Variants in KCNH7 observed in about 807,000 individuals in gnomAD.
KCNH7 encodes voltage-gated inwardly rectifying potassium channel KCNH7.
KCNH7 carries 49 observed loss-of-function variants against 120.8 expected under a neutral mutation model. The observed-to-expected ratio is 0.41, with a 90% CI of 0.32 to 0.51. The LOEUF (loss-of-function observed/expected upper bound fraction) is 0.51. Among genes scored for constraint, KCNH7 ranks in the 20% least tolerant of loss-of-function variants. The pLI, the probability that KCNH7 is intolerant of heterozygous loss-of-function variation, is 0.38. For missense variants in KCNH7, 1,097 were observed against 1,446.6 expected, an observed-to-expected ratio of 0.76 and a Z score of 3.92; for synonymous variants, 547 against 516.1, an observed-to-expected ratio of 1.06 and a Z score of -0.81.
rs144224871 is a variant in KCNH7, at chr2:162,824,961, A to C, written c.307+11576T>G. Among the ~76,000 whole-genome samples, 907 of 152,158 alleles carry C rather than the reference A, an allele frequency of 6.0e-3. 10 individuals carry two copies. Among genetic ancestry groups the C allele is most frequent in the African/African-American group, 0.021 (865 of 41,540 alleles). On this transcript the variant is annotated intron_variant, in intron 2 of 15. Coordinates refer to ENST00000332142, the MANE Select transcript of KCNH7 (RefSeq NM_033272.4). ...CATTAGTTATAATTTTCATTATGGT[A>C]TATTTAGATAATAAATAAGAAATAT...
chr2:162,681,282 T>C (rs1685701422), intron 2 of KCNH7, among the ~76,000 whole-genome samples: 1 of 151,708 alleles, frequency 6.6e-6, no homozygotes, highest in Admixed American at 6.6e-5. Context: ...TGATGCGGAA[T>C]GCAGTAGTAT....
chr2:162,479,160 G>A (rs1689843352), intron 6 of KCNH7, among the ~76,000 whole-genome samples: 1 of 147,294 alleles, frequency 6.8e-6, no homozygotes, highest in African/African-American at 2.5e-5. Flanking sequence ...AAAAAAAAAA[G>A]AATGTGAAAG....
chr2:162,624,186 C>T (rs1281355355), intron 2 of KCNH7, among the ~76,000 whole-genome samples: 4 of 152,126 alleles, frequency 2.6e-5, no homozygotes, highest in Admixed American at 1.3e-4. Context: ...TGATCATCCT[C>T]CTAACCTATC....
intron 6 of KCNH7, among the ~76,000 whole-genome samples, chr2:162,480,892 T>C: frequency 6.6e-6 from 1 of 152,182 alleles, no homozygotes; most frequent in African/African-American, 2.4e-5. Flanking sequence ...AGCTGTCTCA[T>C]GCTACTCTTC....
At chr2:162,665,512 GA>G (rs1425473693) in intron 2 of KCNH7, among the ~76,000 whole-genome samples, 1 of 151,950 alleles carries the variant, frequency 6.6e-6, no homozygotes, top group East Asian at 1.9e-4. Flanking sequence ...GAAATTACCA[GA>G]AAAAACTAAA....
intron 6 of KCNH7, among the ~76,000 whole-genome samples, chr2:162,481,172 T>A (rs1689918815): frequency 6.6e-6 from 1 of 152,110 alleles, no homozygotes; most frequent in Non-Finnish European, 1.5e-5. Flanking sequence ...CTTTTCCCAC[T>A]CAACTAGATG....
At chr2:162,780,443 T>A (rs570065013) in intron 2 of KCNH7, among the ~76,000 whole-genome samples, 3 of 152,290 alleles carry the variant, frequency 2.0e-5, no homozygotes, top group South Asian at 2.1e-4. Context: ...ATGCACTGAA[T>A]AACAGCGTGC....
Position 162,396,951 on chromosome 2 carries a change from A to C in KCNH7, c.2408-6T>G. Reference sequence around the variant, plus strand: ...TCCAAATATATCATTTTTTCCTAAGAAAATATAAAGAAAAAGAGGCGGGGA... The same window carrying C: ...TCCAAATATATCATTTTTTCCTAAGCAAATATAAAGAAAAAGAGGCGGGGA... On this transcript the variant is annotated splice_polypyrimidine_tract_variant and splice_region_variant and intron_variant, in intron 10 of 15. Transcript: ENST00000332142. 6.3e-7 allele frequency: 1 copy of C among 1,586,406 alleles called. No homozygotes were observed. The highest frequency in any genetic ancestry group is 8.6e-7 in the Non-Finnish European group (1 of 1,158,186).
chr2:162,755,647 G>A (rs1483895956), intron 2 of KCNH7, among the ~76,000 whole-genome samples: 1 of 152,126 alleles, frequency 6.6e-6, no homozygotes, highest in Non-Finnish European at 1.5e-5. Context: ...AGCAAAACAA[G>A]TTGAAGGAAG....
intron 2 of KCNH7, among the ~76,000 whole-genome samples, chr2:162,675,837 T>C (rs1452461289): frequency 1.3e-5 from 2 of 151,564 alleles, no homozygotes; most frequent in Non-Finnish European, 3.0e-5. Flanking sequence ...TTAATTATTT[T>C]ACTGAAATTC....
At position 162,446,009 on chromosome 2, in the gene KCNH7, A is replaced by G. The variant is rs1219199292; in HGVS notation, c.1554+9T>C. On this transcript the variant is annotated intron_variant, in intron 7 of 15. Transcript: ENST00000332142. The stretch of plus-strand genomic sequence containing the variant: ...CTTTCAGAAAATAAGAATCTTAAGC[A>G]GTTCTTACCTCATCAGAACCTGATC... 6.4e-7 allele frequency: 1 copy of G among 1,572,696 alleles called. No individual in the cohort carries two copies. Among genetic ancestry groups the G allele is most frequent in the Non-Finnish European group, 8.6e-7 (1 of 1,158,268 alleles).
chr2:162,403,391 T>C (rs1687118818), intron 9 of KCNH7, among the ~76,000 whole-genome samples: 1 of 151,998 alleles, frequency 6.6e-6, no homozygotes, highest in African/African-American at 2.4e-5. Context: ...TTATATGTCC[T>C]GCAGTATTTG....
At chr2:162,696,075 G>A (rs1686276113) in intron 2 of KCNH7, among the ~76,000 whole-genome samples, 1 of 152,106 alleles carries the variant, frequency 6.6e-6, no homozygotes, top group Admixed American at 6.5e-5. Flanking sequence ...TAAGTTAAAT[G>A]ACTAACGAAG....
At chr2:162,682,161 G>C (rs1685733351) in intron 2 of KCNH7, among the ~76,000 whole-genome samples, 1 of 151,618 alleles carries the variant, frequency 6.6e-6, no homozygotes, top group African/African-American at 2.4e-5. Context: ...CAGAATGGAA[G>C]AGCCAGACCT....
At chr2:162,691,425 CAA>C (rs1686097614) in intron 2 of KCNH7, among the ~76,000 whole-genome samples, 1 of 152,080 alleles carries the variant, frequency 6.6e-6, no homozygotes, top group South Asian at 2.1e-4. Flanking sequence ...GAGAACTGAT[CAA>C]AGAGACATTG....
At chr2:162,421,235 A>C (rs1687700092) in intron 9 of KCNH7, among the ~76,000 whole-genome samples, 1 of 152,192 alleles carries the variant, frequency 6.6e-6, no homozygotes, top group South Asian at 2.1e-4. Flanking sequence ...ATGAGAGGAA[A>C]GAAAAGCACC....
At chr2:162,539,075 T>G (rs1338574789) in intron 2 of KCNH7, among the ~76,000 whole-genome samples, 1 of 152,088 alleles carries the variant, frequency 6.6e-6, no homozygotes, top group Non-Finnish European at 1.5e-5. Flanking sequence ...TCCAATTCAT[T>G]TAATAAAATA....
intron 2 of KCNH7, among the ~76,000 whole-genome samples, chr2:162,567,074 AG>A (rs1693280960): frequency 1.3e-5 from 2 of 152,046 alleles, no homozygotes; most frequent in African/African-American, 4.8e-5. Context: ...CAACTGAAAA[AG>A]TAAGAAGATA....
chr2:162,484,527 A>T (rs1169846612), intron 6 of KCNH7, among the ~76,000 whole-genome samples: 1 of 152,106 alleles, frequency 6.6e-6, no homozygotes, highest in African/African-American at 2.4e-5. Flanking sequence ...ATAAGTCAGG[A>T]TGCATCCTAA....
Sources: allele counts gnomAD v4.1 joint callset (sites outside exome capture counted in the v4.1 genomes callset), GRCh38; gene constraint gnomAD v4.1.1; transcripts MANE v1.5; gene names NCBI Gene and HGNC (gene_info 2026-07-23, HGNC 2026-07-21).